Variants in FREM1 observed in about 807,000 individuals in gnomAD.
FREM1 encodes FRAS1 related extracellular matrix 1, also known as FRAS1-related extracellular matrix protein 1.
Under a neutral mutation model 210.1 loss-of-function variants are expected in FREM1, and 220 were observed. The observed-to-expected ratio is 1.05, with a 90% confidence interval of 0.94 to 1.17. The LOEUF (loss-of-function observed/expected upper bound fraction) is 1.17. Among genes scored for constraint, FREM1 ranks in the 50% most tolerant of loss-of-function variants. The pLI is 0.00. For synonymous variants in FREM1, 1,189 were observed against 980.2 expected (o/e 1.21, Z -3.98); for missense variants, 3,454 against 2,675.5 (o/e 1.29, Z -6.42).
At chr9:14,802,881 T>A (rs78016540) in intron 19 of FREM1, among the ~76,000 whole-genome samples, 90 of 152,194 alleles carry the variant, frequency 5.9e-4, no homozygotes, top group African/African-American at 2.1e-3. Context: ...TAAACAAGAA[T>A]CACAAAAGGG....
At chr9:14,828,637 G>C (rs1162298745) in intron 10 of FREM1, among the ~76,000 whole-genome samples, 5 of 116,964 alleles carry the variant, frequency 4.3e-5, no homozygotes, top group African/African-American at 1.5e-4. Flanking sequence ...ATAAATTGTG[G>C]CGGGGCGGGG....
intron 1 of FREM1, among the ~76,000 whole-genome samples, chr9:14,889,311 C>T (rs58361109): frequency 0.016 from 2,378 of 152,330 alleles, 61 homozygotes; most frequent in African/African-American, 0.052. Flanking sequence ...AACATTGCCC[C>T]TTTAATCTTT....
At chr9:14,853,183 T>A (rs1015802419) in intron 5 of FREM1, among the ~76,000 whole-genome samples, 4 of 152,178 alleles carry the variant, frequency 2.6e-5, no homozygotes, top group African/African-American at 9.7e-5. Flanking sequence ...AGGGCTCATA[T>A]CTGAGGAAGC....
chr9:14,789,281 A>G (rs1290109971), intron 22 of FREM1, among the ~76,000 whole-genome samples, 167 bp from the exon 23 acceptor site: 3 of 152,146 alleles, frequency 2.0e-5, no homozygotes, highest in Admixed American at 2.0e-4. Flanking sequence ...CTTTTCAAAG[A>G]AATATATTAG....
At chr9:14,908,900 A>G (rs1281660405) in intron 1 of FREM1, among the ~76,000 whole-genome samples, 1 of 152,180 alleles carries the variant, frequency 6.6e-6, no homozygotes, top group Non-Finnish European at 1.5e-5. Context: ...TGCCTGATGG[A>G]GAGAAACAGC....
chr9:14,821,565 T>G (rs1821316695), intron 13 of FREM1, among the ~76,000 whole-genome samples: 1 of 152,210 alleles, frequency 6.6e-6, no homozygotes, highest in Admixed American at 6.5e-5. Flanking sequence ...CCATAAGCAT[T>G]CTAAACTATT....
intron 1 of FREM1, among the ~76,000 whole-genome samples, chr9:14,909,106 C>T (rs1818292109): frequency 6.6e-6 from 1 of 152,090 alleles, no homozygotes; most frequent in Non-Finnish European, 1.5e-5. Flanking sequence ...GTAAGATTCC[C>T]AGGCTATAAA....
chr9:14,842,800 T>C (rs763369055), intron 8 of FREM1, 140 bp from the exon 9 acceptor site: 3 of 624,506 alleles, frequency 4.8e-6, no homozygotes, highest in Non-Finnish European at 8.4e-6. Context: ...CTACAGATTG[T>C]TAGTGGGTTC....
At chr9:14,749,344 T>C (rs948487746) in intron 30 of FREM1, among the ~76,000 whole-genome samples, 4 of 151,988 alleles carry the variant, frequency 2.6e-5, no homozygotes, top group Non-Finnish European at 5.9e-5. Context: ...AACAAGGATA[T>C]TATAAAGAAA....
intron 3 of FREM1, among the ~76,000 whole-genome samples, chr9:14,862,572 T>C (rs1830777966): frequency 6.6e-6 from 1 of 152,166 alleles, no homozygotes; most frequent in Non-Finnish European, 1.5e-5. Context: ...TTTAGTGTAG[T>C]CCCAAGGTTG....
rs1418720362 is a variant in FREM1 at position 14,823,170 on chromosome 9, T to A, written c.2327A>T (p.Gln776Leu). The A allele has an allele frequency of 3.1e-6, 5 of 1,613,522 alleles. No individual in the cohort carries two copies. The East Asian group carries it at 1.1e-4, about 36-fold the overall frequency. ...GAACATTGTACATACCTCAGGAACT[T>A]GATTGTCCACTGGGAGGATTGTAAT... is the stretch of plus-strand genomic sequence containing the variant. ...FNITILPVDN[Q>L]VPEAFTNPLK... is the part of the protein sequence containing the mutation. Residue 776 changes from glutamine to leucine, a missense_variant, in exon 13 of 37, where the codon CAA (glutamine) becomes CTA (leucine). By Grantham distance (113) the Gln-to-Leu change is moderately radical. Coordinates refer to ENST00000380880, the MANE Select transcript of FREM1 (RefSeq NM_001379081.2).
chr9:14,818,383 A>G (rs1820688551), intron 14 of FREM1, among the ~76,000 whole-genome samples: 1 of 152,172 alleles, frequency 6.6e-6, no homozygotes, highest in Non-Finnish European at 1.5e-5. Context: ...TCAGGATTAA[A>G]CTCATCTTCT....
At position 14,849,529 on chromosome 9, in the gene FREM1, T is replaced by A. The variant is rs150992751; in HGVS notation, c.1153-756A>T. ...AGAAATGCAAGGCATACTCCCTACT[T>A]TTGAAGAACATGTGGTCCATGGAAG... On this transcript the variant is annotated intron_variant, in intron 6 of 36. Transcript: ENST00000380880. Among the ~76,000 whole-genome samples the A allele has an allele frequency of 1.1e-3, 172 of 152,286 alleles. 2 individuals are homozygous for A. The highest frequency in any genetic ancestry group is 3.7e-3 in the African/African-American group (155 of 41,554).
At chr9:14,774,639 G>C (rs1238656273) in intron 25 of FREM1, among the ~76,000 whole-genome samples, 1 of 151,642 alleles carries the variant, frequency 6.6e-6, no homozygotes, top group Non-Finnish European at 1.5e-5. Context: ...TCTATTTTGT[G>C]TTTGGTGTGA....
intron 1 of FREM1, among the ~76,000 whole-genome samples, chr9:14,871,303 C>G (rs1398158269): frequency 6.6e-6 from 1 of 152,216 alleles, no homozygotes; most frequent in African/African-American, 2.4e-5. Flanking sequence ...TCTCCACATC[C>G]TCTCCAGCAC....
rs755062740 is a variant in FREM1 at position 14,769,856 on chromosome 9, T to C, written c.5072A>G (p.His1691Arg). Reference protein sequence around the residue: ...LENTTTGEFIHEKFSQKDLNS... With the variant: ...LENTTTGEFIREKFSQKDLNS... ...TAAGTCCTTTTGGCTAAATTTCTCA[T>C]GGATAAATTCACCTAAAAAAAGAAA... Residue 1691 changes from histidine to arginine, a missense_variant, in exon 27 of 37, where the codon CAT (histidine) becomes CGT (arginine). Coordinates refer to ENST00000380880, the MANE Select transcript of FREM1 (RefSeq NM_001379081.2). 28 of 1,518,360 alleles carry C rather than the reference T, an allele frequency of 1.8e-5. No homozygotes were observed. The highest frequency in any genetic ancestry group is 2.4e-5 in the Non-Finnish European group (27 of 1,115,542). 94.1% of individuals were successfully genotyped at this position (1,518,360 alleles called of 1,614,324 possible).
intron 13 of FREM1, among the ~76,000 whole-genome samples, chr9:14,821,006 G>A (rs1821198067): frequency 6.6e-6 from 1 of 152,088 alleles, no homozygotes; most frequent in East Asian, 1.9e-4. Context: ...ATATTTTAGG[G>A]CAACTTTCAA....
rs890641569 is a variant in FREM1, at chr9:14,866,867, C to CT, written c.234+1876dup. Among the ~76,000 whole-genome samples the CT allele has an allele frequency of 9.7e-4, 144 of 148,940 alleles. No homozygotes were observed. In the South Asian group the frequency reaches 0.024, roughly 25 times the overall value. On this transcript the variant is annotated intron_variant, in intron 2 of 36. Transcript: ENST00000380880. ...AACTCTACAGGCTGCATTTTCCTTT[C>CT]TTTTTTTTTTCAGACAGAGTCTCAC...
rs1818704257 is a variant in FREM1, at chr9:14,808,060, C to CA, written c.2967dup (p.Val990CysfsTer23). 6.2e-7 allele frequency: 1 copy of CA among 1,613,556 alleles called. No individual in the cohort carries two copies. Among genetic ancestry groups the CA allele is most frequent in the African/African-American group, 1.3e-5 (1 of 74,902 alleles). On this transcript the variant is annotated frameshift_variant, in exon 17 of 37. Transcript: ENST00000380880. LOFTEE classifies it high-confidence loss of function. Reference sequence around the variant, plus strand: ...GGTCCATTGTAGCAACAGCCATTCACAAAAGGGCCAGCCTCTCCATCCGAA... The same window carrying CA: ...GGTCCATTGTAGCAACAGCCATTCACAAAAAGGGCCAGCCTCTCCATCCGAA...
Sources: gnomAD v4.1 joint callset for allele counts (sites outside exome capture counted in the v4.1 genomes callset) on GRCh38, gnomAD v4.1.1 for gene constraint, MANE v1.5 for transcripts, NCBI Gene and HGNC (gene_info 2026-07-23, HGNC 2026-07-21) for gene names.